CACNA2D1: variants seen among roughly 807,000 people sequenced by gnomAD.
The protein encoded by CACNA2D1 is voltage-dependent calcium channel subunit alpha-2/delta-1.
Under a neutral mutation model 171.5 loss-of-function variants are expected in CACNA2D1, and 53 were observed. The observed-to-expected ratio is 0.31, with a 90% confidence interval of 0.25 to 0.39. The LOEUF is 0.39. Ranked by LOEUF, CACNA2D1 falls within the 10% of genes least tolerant of loss-of-function variation. CACNA2D1 has a pLI of 1.00. For missense variants in CACNA2D1, 903 were observed against 1,299.8 expected (o/e 0.69, Z 4.69); for synonymous variants, 442 against 443.1 (o/e 1.00, Z 0.03).
chr7:82,200,569 T>C (rs987323910), intron 3 of CACNA2D1, among the ~76,000 whole-genome samples: 1 of 152,214 alleles, frequency 6.6e-6, no homozygotes, highest in Non-Finnish European at 1.5e-5. Flanking sequence ...TTTGAATTTA[T>C]ACCATGGTAC....
intron 1 of CACNA2D1, among the ~76,000 whole-genome samples, chr7:82,418,022 C>T (rs1241426104): frequency 6.6e-6 from 1 of 152,146 alleles, no homozygotes; most frequent in East Asian, 1.9e-4. Flanking sequence ...TAAAGAACTG[C>T]CCAGGACTGG....
chr7:82,193,684 G>T (rs1798565224), intron 3 of CACNA2D1, among the ~76,000 whole-genome samples: 1 of 151,958 alleles, frequency 6.6e-6, no homozygotes, highest in Non-Finnish European at 1.5e-5. Flanking sequence ...CAGGTTTGCT[G>T]AAATTTATCT....
At chr7:82,402,502 G>A (rs912201884) in intron 1 of CACNA2D1, among the ~76,000 whole-genome samples, 1 of 151,910 alleles carries the variant, frequency 6.6e-6, no homozygotes, top group African/African-American at 2.4e-5. Flanking sequence ...CACAAGATCA[G>A]GAGATCGAGA....
intron 18 of CACNA2D1, among the ~76,000 whole-genome samples, chr7:82,004,636 T>C (rs777445599): frequency 1.3e-5 from 2 of 152,134 alleles, no homozygotes; most frequent in African/African-American, 2.4e-5. Context: ...AGTAGTAGTA[T>C]GCATAAGTCT....
intron 3 of CACNA2D1, among the ~76,000 whole-genome samples, chr7:82,296,495 G>A (rs1812303650): frequency 6.6e-6 from 1 of 152,084 alleles, no homozygotes; most frequent in Non-Finnish European, 1.5e-5. Context: ...TAGAATAGCA[G>A]GAAGGATTTT....
chr7:81,980,172 C>CAAAAAAAAAAA lies in CACNA2D1; in HGVS notation c.1955+2384_1955+2394dup, dbSNP rs35616922. 3.1e-3 allele frequency among the ~76,000 whole-genome samples: 78 copies of CAAAAAAAAAAA among 25,264 alleles called. 3 individuals carry two copies. Among genetic ancestry groups the CAAAAAAAAAAA allele is most frequent in the East Asian group, 4.4e-3 (3 of 682 alleles). The allele number at this position is 25,264 out of a possible 152,430, so 16.6% of individuals were successfully genotyped here. A position where few individuals can be genotyped will look rare whatever the true frequency, so the allele number is the denominator to read the frequency against. The stretch of plus-strand genomic sequence containing the variant: ...AAAAGAAGGTAAAACTAAAACCAAG[C>CAAAAAAAAAAA]AAAAAAAAAAAAAAAAAAAAAAAAA... On this transcript the variant is annotated intron_variant, in intron 24 of 38. Transcript: ENST00000356860.
intron 3 of CACNA2D1, among the ~76,000 whole-genome samples, chr7:82,212,847 G>C (rs908045610): frequency 3.9e-5 from 6 of 151,900 alleles, no homozygotes; most frequent in Middle Eastern, 3.2e-3. Flanking sequence ...TAAGGTTTCA[G>C]AGCAAGTATG....
At chr7:82,438,776 A>G (rs1188139938) in intron 1 of CACNA2D1, among the ~76,000 whole-genome samples, 1 of 152,170 alleles carries the variant, frequency 6.6e-6, no homozygotes, top group South Asian at 2.1e-4. Flanking sequence ...AGGCGATATA[A>G]TAGAACAAAG....
chr7:82,439,314 T>C (rs1414562420), intron 1 of CACNA2D1, among the ~76,000 whole-genome samples: 1 of 152,050 alleles, frequency 6.6e-6, no homozygotes, highest in Non-Finnish European at 1.5e-5. Flanking sequence ...TATGTTTTTG[T>C]AAAAATTTAC....
chr7:81,965,048 C>T (rs1000473256), intron 32 of CACNA2D1, among the ~76,000 whole-genome samples: 2 of 151,798 alleles, frequency 1.3e-5, no homozygotes, highest in African/African-American at 4.8e-5. Context: ...AAGGGGCAAT[C>T]ATGAGTGAAT....
Position 82,050,588 on chromosome 7 carries a change from T to A in CACNA2D1, c.879+9840A>T, listed in dbSNP as rs79030053. 0.01 allele frequency: 7,189 copies of A among 702,758 alleles called. 360 individuals carry two copies. In the African/African-American group the frequency reaches 0.11, roughly 11 times the overall value. The allele number at this position is 702,758 out of a possible 1,614,324, so 43.5% of individuals were successfully genotyped here. A position where few individuals can be genotyped will look rare whatever the true frequency, so the allele number is the denominator to read the frequency against. ...GACACAATAGTTTAATTACTCTGCA[T>A]TGAAAATCTCTTCGGGAGAAGGAGA... On this transcript the variant is annotated intron_variant, in intron 10 of 38. Coordinates refer to ENST00000356860, the MANE Select transcript of CACNA2D1 (RefSeq NM_000722.4).
At chr7:82,402,941 T>G (rs1382221080) in intron 1 of CACNA2D1, among the ~76,000 whole-genome samples, 2 of 151,864 alleles carry the variant, frequency 1.3e-5, no homozygotes, top group African/African-American at 2.4e-5. Flanking sequence ...TATAATTTAG[T>G]TAAAATGTGG....
At chr7:82,001,827 T>A in intron 18 of CACNA2D1, 1 of 280,360 alleles carries the variant, frequency 3.6e-6, no homozygotes, top group Non-Finnish European at 7.0e-6. Flanking sequence ...AAGGTCTAAA[T>A]GATAGAATTC....
At chr7:82,112,029 T>C (rs913071121) in intron 6 of CACNA2D1, among the ~76,000 whole-genome samples, 10 of 152,122 alleles carry the variant, frequency 6.6e-5, no homozygotes, top group Non-Finnish European at 1.5e-4. Flanking sequence ...TGAAAGAAGA[T>C]AATATTTCAG....
chr7:81,999,183 C>A (rs781218960), intron 18 of CACNA2D1, among the ~76,000 whole-genome samples: 2 of 152,168 alleles, frequency 1.3e-5, no homozygotes, highest in South Asian at 2.1e-4. Context: ...ATCCAGCATA[C>A]AAAGACACAG....
chr7:82,363,254 C>CTCTTTTTTTT lies in CACNA2D1; in HGVS notation c.96-13606_96-13605insAAAAAAAAGA, dbSNP rs1821286522. Reference sequence around the variant, plus strand: ...CTACCATAGTTTTATTTATTTGTCTCTTTTTTTTTTTTTTTTTTTTTTTTT... The same window carrying CTCTTTTTTTT: ...CTACCATAGTTTTATTTATTTGTCTCTCTTTTTTTTTTTTTTTTTTTTTTTTTTTTTTTTT... On this transcript the variant is annotated intron_variant, in intron 1 of 38. Transcript: ENST00000356860. Among the ~76,000 whole-genome samples the CTCTTTTTTTT allele has an allele frequency of 1.7e-3, 108 of 63,438 alleles. 3 individuals are homozygous for CTCTTTTTTTT. The highest frequency in any genetic ancestry group is 8.5e-3 in the African/African-American group (102 of 11,952). 41.6% of individuals were successfully genotyped at this position (63,438 alleles called of 152,430 possible).
chr7:82,055,930 G>GTATATATATATATATATATATATATATA lies in CACNA2D1; in HGVS notation c.879+4497_879+4498insTATATATATATATATATATATATATATA, dbSNP rs58786082. 4.6e-3 allele frequency among the ~76,000 whole-genome samples: 510 copies of GTATATATATATATATATATATATATATA among 111,286 alleles called. 2 individuals are homozygous for GTATATATATATATATATATATATATATA. Among genetic ancestry groups the GTATATATATATATATATATATATATATA allele is most frequent in the Non-Finnish European group, 5.5e-3 (315 of 57,196 alleles). The allele number at this position is 111,286 out of a possible 152,430, so 73.0% of individuals were successfully genotyped here. Reference sequence around the variant, plus strand: ...AAGTATAATAAATATGTGTGTGTGTGTATATATATATATATATAATTTTTT... The same window carrying GTATATATATATATATATATATATATATA: ...AAGTATAATAAATATGTGTGTGTGTGTATATATATATATATATATATATATATATATATATATATATATATAATTTTTT... On this transcript the variant is annotated intron_variant, in intron 10 of 38. Coordinates refer to ENST00000356860, the MANE Select transcript of CACNA2D1 (RefSeq NM_000722.4).
intron 3 of CACNA2D1, among the ~76,000 whole-genome samples, chr7:82,267,519 T>C (rs1042150446): frequency 3.3e-5 from 5 of 152,228 alleles, no homozygotes; most frequent in Admixed American, 3.3e-4. Flanking sequence ...TTGTATAATA[T>C]GGTATTACTG....
At chr7:82,230,130 A>T (rs573970602) in intron 3 of CACNA2D1, among the ~76,000 whole-genome samples, 1 of 152,176 alleles carries the variant, frequency 6.6e-6, no homozygotes, top group Non-Finnish European at 1.5e-5. Flanking sequence ...GCACCAGGTG[A>T]AGGAACAGGT....
Sources: allele counts gnomAD v4.1 joint callset (sites outside exome capture counted in the v4.1 genomes callset), GRCh38; gene constraint gnomAD v4.1.1; transcripts MANE v1.5; gene names NCBI Gene and HGNC (gene_info 2026-07-23, HGNC 2026-07-21).